The following NEDD4L variants were observed in gnomAD, a reference collection of about 807,000 sequenced individuals.
NEDD4L encodes the protein NEDD4 like E3 ubiquitin protein ligase.
A neutral mutation model predicts 148.9 loss-of-function variants in NEDD4L; 54 were observed. That is an observed-to-expected ratio of 0.36 (90% CI 0.29 to 0.45). The LOEUF is 0.45. Ranked by LOEUF, NEDD4L falls within the 20% of genes least tolerant of loss-of-function variation. The pLI is 1.00. For synonymous variants in NEDD4L, 433 were observed against 440.7 expected, an observed-to-expected ratio of 0.98 and a Z score of 0.22; for missense variants, 856 against 1,233.8, an observed-to-expected ratio of 0.69 and a Z score of 4.59.
intron 2 of NEDD4L, among the ~76,000 whole-genome samples, chr18:58,199,063 A>T (rs759638932): frequency 1.6e-4 from 24 of 152,226 alleles, no homozygotes; most frequent in Admixed American, 3.3e-4. Flanking sequence ...AAGTGCTGGG[A>T]TTACAGGCAT....
At chr18:58,050,499 G>A (rs8091333) in intron 1 of NEDD4L, among the ~76,000 whole-genome samples, 136,849 of 151,540 alleles carry the variant, frequency 0.9, 61,863 homozygotes, top group East Asian at 1. Context: ...AGTGGCTCAT[G>A]CCCGTAATCC....
At chr18:58,237,476 C>T (rs1356311311) in intron 2 of NEDD4L, among the ~76,000 whole-genome samples, 2 of 152,134 alleles carry the variant, frequency 1.3e-5, no homozygotes, top group African/African-American at 4.8e-5. Flanking sequence ...GCAATAAAGA[C>T]AAGTCACAGA....
At chr18:58,092,639 C>T (rs1276702584) in intron 1 of NEDD4L, among the ~76,000 whole-genome samples, 1 of 151,966 alleles carries the variant, frequency 6.6e-6, no homozygotes, top group African/African-American at 2.4e-5. Context: ...CCACTCAGCA[C>T]AGCTCTGCAC....
chr18:58,357,525 A>G (rs73439476), intron 19 of NEDD4L: 9 of 613,694 alleles, frequency 1.5e-5, no homozygotes, highest in Non-Finnish European at 2.4e-5. Context: ...AGGGTGGACT[A>G]TAAGTATAGT....
At chr18:58,151,659 T>G (rs865827328) in intron 1 of NEDD4L, among the ~76,000 whole-genome samples, 2 of 48,188 alleles carry the variant, frequency 4.2e-5, no homozygotes, top group African/African-American at 1.8e-4. Flanking sequence ...GTGTGTGTGT[T>G]GGCTGGAGAA....
chr18:58,047,728 G>A (rs1325330220), intron 1 of NEDD4L, among the ~76,000 whole-genome samples: 1 of 152,210 alleles, frequency 6.6e-6, no homozygotes, highest in African/African-American at 2.4e-5. Context: ...CATGGCCCAA[G>A]ATCAGATTTG....
intron 2 of NEDD4L, among the ~76,000 whole-genome samples, chr18:58,202,548 G>A (rs76000980): frequency 0.058 from 8,879 of 152,280 alleles, 823 homozygotes; most frequent in African/African-American, 0.2. Context: ...ATGCAACAGC[G>A]GTTTGCAAAC....
chr18:58,357,093 CT>C, intron 18 of NEDD4L, 100 bp from the exon 19 acceptor site: 1 of 1,103,828 alleles, frequency 9.1e-7, no homozygotes. Flanking sequence ...GACTGGACAG[CT>C]TTTGAAGAAT....
chr18:58,082,311 T>C (rs557728401), intron 1 of NEDD4L, among the ~76,000 whole-genome samples: 1 of 146,354 alleles, frequency 6.8e-6, no homozygotes, highest in Non-Finnish European at 1.5e-5. Flanking sequence ...TTTCACCATG[T>C]TGGCCAGGCT....
At chr18:58,323,700 GA>G (rs1335783179) in intron 8 of NEDD4L, among the ~76,000 whole-genome samples, 1 of 152,182 alleles carries the variant, frequency 6.6e-6, no homozygotes, top group Admixed American at 6.5e-5. Context: ...GTGGGTGGAG[GA>G]ATTTAGAAAA....
intron 1 of NEDD4L, among the ~76,000 whole-genome samples, chr18:58,056,836 C>T (rs562014831): frequency 6.7e-6 from 1 of 150,312 alleles, no homozygotes; most frequent in South Asian, 2.1e-4. Context: ...CTGCCTCGGC[C>T]TACCAAAGTG....
chr18:58,397,106 C>T lies in NEDD4L; in HGVS notation c.*837C>T, dbSNP rs569000302. 3.3e-5 allele frequency: 5 copies of T among 152,674 alleles called. No homozygotes were observed. In the East Asian group the frequency reaches 7.7e-4, roughly 24 times the overall value. 9.5% of individuals were successfully genotyped at this position (152,674 alleles called of 1,614,324 possible). On this transcript the variant is annotated 3_prime_UTR_variant, in exon 31 of 31. Transcript: ENST00000400345. ...CAGGGTTGGACTCCCATTTCTCATCCGAGAAATTACTTAACCCTTCCTGGC... is the reference window on the plus strand; with the variant it reads ...CAGGGTTGGACTCCCATTTCTCATCTGAGAAATTACTTAACCCTTCCTGGC...
rs568053 is a variant in NEDD4L at position 58,240,730 on chromosome 18, C to A, written c.123-4697C>A. The stretch of plus-strand genomic sequence containing the variant: ...TCCGTTGGGTCCCACTGCCTGCTGT[C>A]TTATCTCCTTCTAATGAATATGATC... On this transcript the variant is annotated intron_variant, in intron 2 of 30. Coordinates refer to ENST00000400345, the MANE Select transcript of NEDD4L (RefSeq NM_001144967.3). Among the ~76,000 whole-genome samples, 557 of 152,288 alleles carry A rather than the reference C, an allele frequency of 3.7e-3. 6 individuals are homozygous for A. The highest frequency in any genetic ancestry group is 0.013 in the African/African-American group (536 of 41,546).
At chr18:58,246,293 G>A (rs148302338) in intron 3 of NEDD4L, among the ~76,000 whole-genome samples, 2 of 152,240 alleles carry the variant, frequency 1.3e-5, no homozygotes, top group East Asian at 3.9e-4. Flanking sequence ...ACCAGGAATA[G>A]TTTAACTTGA....
intron 1 of NEDD4L, among the ~76,000 whole-genome samples, chr18:58,134,870 A>C (rs1037866146): frequency 2.6e-5 from 4 of 151,652 alleles, no homozygotes; most frequent in African/African-American, 9.7e-5. Context: ...ACAAAGGAAG[A>C]CCTTTAGTAC....
At chr18:58,250,879 T>A (rs1318916429) in intron 4 of NEDD4L, among the ~76,000 whole-genome samples, 1 of 152,202 alleles carries the variant, frequency 6.6e-6, no homozygotes, top group Non-Finnish European at 1.5e-5. Flanking sequence ...TGGTTGGTGC[T>A]TAGTAAATGA....
intron 5 of NEDD4L, among the ~76,000 whole-genome samples, chr18:58,291,985 G>T (rs899300160): frequency 1.3e-5 from 2 of 152,116 alleles, no homozygotes; most frequent in East Asian, 1.9e-4. Flanking sequence ...TAAATTATCT[G>T]GCCTTTAATT....
At chr18:58,367,388 A>G (rs577203900) in intron 21 of NEDD4L, among the ~76,000 whole-genome samples, 2 of 152,318 alleles carry the variant, frequency 1.3e-5, no homozygotes, top group South Asian at 2.1e-4. Context: ...CATCACAGAG[A>G]CGACCTAAAG....
intron 1 of NEDD4L, among the ~76,000 whole-genome samples, chr18:58,104,225 A>G (rs550965970): frequency 6.6e-6 from 1 of 152,370 alleles, no homozygotes; most frequent in South Asian, 2.1e-4. Context: ...GTCACATATG[A>G]TAAGGTTCTA....
Sources: allele counts gnomAD v4.1 joint callset (sites outside exome capture counted in the v4.1 genomes callset), GRCh38; gene constraint gnomAD v4.1.1; transcripts MANE v1.5; gene names NCBI Gene and HGNC (gene_info 2026-07-23, HGNC 2026-07-21).